The following RBM28 variants were observed in gnomAD, a reference collection of about 807,000 sequenced individuals.
The protein encoded by RBM28 is RNA-binding protein 28.
RBM28 carries 78 observed loss-of-function variants against 98.3 expected under a neutral mutation model. That is an observed-to-expected ratio of 0.79 (90% CI 0.66 to 0.96). The LOEUF is 0.96. Ranked by LOEUF, RBM28 falls within the 40% of genes least tolerant of loss-of-function variation. The pLI, the probability that RBM28 is intolerant of heterozygous loss-of-function variation, is 0.00. For synonymous variants in RBM28, 306 were observed against 330.9 expected (o/e 0.92, Z 0.82); for missense variants, 838 against 913.0 (o/e 0.92, Z 1.06).
At chr7:128,315,588 T>C (rs1027679091) in intron 16 of RBM28, among the ~76,000 whole-genome samples, 2 of 152,198 alleles carry the variant, frequency 1.3e-5, no homozygotes, top group Admixed American at 1.3e-4. Context: ...CTCTCTCTCT[T>C]TTGTTTTTAA....
In RBM28 at chr7:128,335,569, G is replaced by A. The variant is rs747395438; in HGVS notation, c.920C>T (p.Thr307Ile). 2 of 1,614,118 alleles carry A rather than the reference G, an allele frequency of 1.2e-6. No homozygotes were observed. Among genetic ancestry groups the A allele is most frequent in the East Asian group, 2.2e-5 (1 of 44,882 alleles). ...DDGEELAQSD[T>I]STEEQEDKAV... ...TTTATCCTCTTGCTCCTCAGTGCTG[G>A]TATCACTCTGAGCCAGTTCCTCTCC... Residue 307 changes from threonine (T) to isoleucine (I), a missense_variant, in exon 8 of 19, where the codon ACC (threonine) becomes ATC (isoleucine). By Grantham distance (89) the Thr-to-Ile change is moderately conservative. Transcript: ENST00000223073.
Position 128,302,959 on chromosome 7 carries a change from T to C in RBM28, c.*7838A>G, listed in dbSNP as rs142132423. 2.4e-3 allele frequency: 360 copies of C among 152,268 alleles called. No homozygotes were observed. The highest frequency in any genetic ancestry group is 4.0e-3 in the Non-Finnish European group (272 of 68,118). The allele number at this position is 152,268 out of a possible 1,614,324, so 9.4% of individuals were successfully genotyped here. A position where few individuals can be genotyped will look rare whatever the true frequency, so the allele number is the denominator to read the frequency against. The stretch of plus-strand genomic sequence containing the variant: ...GCTAATTTTCAAATTTTGGGCAGTT[T>C]TACTATGTTGCCCAGGCTGGTCCTG... On this transcript the variant is annotated 3_prime_UTR_variant, in exon 19 of 19. Coordinates refer to ENST00000223073, the MANE Select transcript of RBM28 (RefSeq NM_018077.3).
chr7:128,300,425 C>T lies in RBM28; in HGVS notation c.*10372G>A, dbSNP rs1039210800. On this transcript the variant is annotated 3_prime_UTR_variant, in exon 19 of 19. Coordinates refer to ENST00000223073, the MANE Select transcript of RBM28 (RefSeq NM_018077.3). ...GGCTTGAGCTCACTCTGCTCAGGAC[C>T]CTCTGCAGCTCCTGGGGGAACACTG... 2.0e-5 allele frequency: 3 copies of T among 152,206 alleles called. No individual in the cohort carries two copies. The highest frequency in any genetic ancestry group is 4.4e-5 in the Non-Finnish European group (3 of 68,084). 9.4% of individuals were successfully genotyped at this position (152,206 alleles called of 1,614,324 possible).
rs1796575338 is a variant in RBM28, at chr7:128,335,459, A to G, written c.946+84T>C. ...ACACCTTAGAGTCCTATTTAAAAAG[A>G]GATCTAAGCAGAACTGATGCTCATT... On this transcript the variant is annotated intron_variant, in intron 8 of 18. Transcript: ENST00000223073. The G allele has an allele frequency of 3.9e-6, 6 of 1,528,398 alleles. No individual in the cohort carries two copies. In the East Asian group the frequency reaches 1.4e-4, roughly 35 times the overall value. 94.7% of individuals were successfully genotyped at this position (1,528,398 alleles called of 1,614,324 possible). A position where few individuals can be genotyped will look rare whatever the true frequency, so the allele number is the denominator to read the frequency against.
chr7:128,337,733 T>C (rs995420449), intron 5 of RBM28, among the ~76,000 whole-genome samples: 2 of 152,070 alleles, frequency 1.3e-5, no homozygotes, highest in Non-Finnish European at 2.9e-5. Flanking sequence ...AATTTTTGTA[T>C]TTTCAGTAGA....
At chr7:128,328,344 G>A (rs1207631452) in intron 10 of RBM28, among the ~76,000 whole-genome samples, 3 of 152,212 alleles carry the variant, frequency 2.0e-5, no homozygotes, top group African/African-American at 7.2e-5. Flanking sequence ...GGAGTTTCCA[G>A]AGTCAGTACT....
intron 13 of RBM28, 104 bp downstream of exon 13, chr7:128,323,423 T>TC (rs1796278719): frequency 3.0e-6 from 4 of 1,321,248 alleles, no homozygotes; most frequent in Non-Finnish European, 4.4e-6. Flanking sequence ...GTATGGTCTG[T>TC]GACCATACTG....
Position 128,310,827 on chromosome 7 carries a change from A to G in RBM28, c.2250T>C (p.Leu750=), listed in dbSNP as rs768925765. 1.9e-6 allele frequency: 3 copies of G among 1,614,196 alleles called. No individual in the cohort carries two copies. In the South Asian group the frequency reaches 3.3e-5, roughly 18 times the overall value. Residue 750 remains leucine, a synonymous_variant, in exon 19 of 19, where the codon CTT becomes CTC. Transcript: ENST00000223073. ...TATCAAACCATTTGCTCCTCTTTGC[A>G]AGAGGTGCTCCTTTAGAAGGTCCCA... is the stretch of plus-strand genomic sequence containing the variant. ...KLLGPSKGAP[L]AKRSKWFDS is the part of the protein sequence containing the mutation.
chr7:128,343,525 G>C (rs776424501), intron 1 of RBM28, 151 bp downstream of exon 1: 1 of 553,490 alleles, frequency 1.8e-6, no homozygotes, highest in Non-Finnish European at 3.2e-6. Flanking sequence ...TCCTATGAAC[G>C]CATCTAAAGC....
intron 10 of RBM28, among the ~76,000 whole-genome samples, chr7:128,329,240 C>T (rs936023563): frequency 3.3e-5 from 5 of 152,174 alleles, no homozygotes; most frequent in Non-Finnish European, 7.3e-5. Context: ...GCTGGGATTA[C>T]AGGCATGCGC....
chr7:128,300,730 T>C lies in RBM28; in HGVS notation c.*10067A>G, dbSNP rs192288576. The C allele has an allele frequency of 6.6e-6, 1 of 152,346 alleles. No homozygotes were observed. The highest frequency in any genetic ancestry group is 2.1e-4 in the South Asian group (1 of 4,828). 9.4% of individuals were successfully genotyped at this position (152,346 alleles called of 1,614,324 possible). A position where few individuals can be genotyped will look rare whatever the true frequency, so the allele number is the denominator to read the frequency against. On this transcript the variant is annotated 3_prime_UTR_variant, in exon 19 of 19. Coordinates refer to ENST00000223073, the MANE Select transcript of RBM28 (RefSeq NM_018077.3). ...CACCTCCCATGCTGACTCCAATTGT[T>C]GGGTGCGGTTGCATGGATTGATGTC...
chr7:128,312,219 G>C (rs1173992246), intron 18 of RBM28, among the ~76,000 whole-genome samples: 1 of 152,166 alleles, frequency 6.6e-6, no homozygotes, highest in African/African-American at 2.4e-5. Flanking sequence ...AAGAGTTCAA[G>C]GCCAGCCTGG....
chr7:128,338,139 A>G, intron 5 of RBM28, 111 bp downstream of exon 5: 1 of 796,906 alleles, frequency 1.3e-6, no homozygotes, highest in Non-Finnish European at 2.2e-6. Context: ...ATTAGCAATG[A>G]GACTCTTAAT....
At chr7:128,338,668 T>C (rs2116390296) in intron 4 of RBM28, 58 bp downstream of exon 4, 3 of 1,221,228 alleles carry the variant, frequency 2.5e-6, no homozygotes, top group Non-Finnish European at 3.6e-6. Context: ...CATATATGTT[T>C]GTTCAAGGGT....
rs1250103377 is a variant in RBM28, at chr7:128,300,558, A to C, written c.*10239T>G. 6.6e-6 allele frequency: 1 copy of C among 152,238 alleles called. No individual in the cohort carries two copies. Among genetic ancestry groups the C allele is most frequent in the African/African-American group, 2.4e-5 (1 of 41,440 alleles). The allele number at this position is 152,238 out of a possible 1,614,324, so 9.4% of individuals were successfully genotyped here. On this transcript the variant is annotated 3_prime_UTR_variant, in exon 19 of 19. Transcript: ENST00000223073. The stretch of plus-strand genomic sequence containing the variant: ...ATCCTTCAATGAGCATGCTAACATC[A>C]TCCAACCCCTGACCTTGTGGTGAGG...
chr7:128,310,677 C>CCCA lies in RBM28; in HGVS notation c.*119_*120insTGG, dbSNP rs1395573277. 4 of 1,343,476 alleles carry CCCA rather than the reference C, an allele frequency of 3.0e-6. No homozygotes were observed. In the Admixed American group the frequency reaches 6.7e-5, roughly 23 times the overall value. 83.2% of individuals were successfully genotyped at this position (1,343,476 alleles called of 1,614,324 possible). A position where few individuals can be genotyped will look rare whatever the true frequency, so the allele number is the denominator to read the frequency against. On this transcript the variant is annotated 3_prime_UTR_variant, in exon 19 of 19. Coordinates refer to ENST00000223073, the MANE Select transcript of RBM28 (RefSeq NM_018077.3). ...ACACAGTCCAGGGCACCTCCGAGCA[C>CCCA]AGTGGCAGTGCCCTTGGGGATTTTC...
intron 8 of RBM28, among the ~76,000 whole-genome samples, chr7:128,333,731 T>TAAATAA (rs1261748876): frequency 1.3e-5 from 2 of 151,614 alleles, no homozygotes; most frequent in African/African-American, 4.8e-5. Context: ...AAAAAATAAA[T>TAAATAA]AAATAAAAAT....
intron 10 of RBM28, among the ~76,000 whole-genome samples, chr7:128,327,003 G>T (rs1375671158): frequency 1.3e-5 from 2 of 152,004 alleles, no homozygotes; most frequent in Non-Finnish European, 2.9e-5. Context: ...TGGGTGTGGT[G>T]GTGCATGCCT....
intron 15 of RBM28, 98 bp from the exon 16 acceptor site, chr7:128,317,831 T>C: frequency 6.8e-7 from 1 of 1,477,146 alleles, no homozygotes; most frequent in South Asian, 1.1e-5. Context: ...CCAACCCACC[T>C]TTTTTTTGTC....
Sources: allele counts gnomAD v4.1 joint callset (sites outside exome capture counted in the v4.1 genomes callset), GRCh38; gene constraint gnomAD v4.1.1; transcripts MANE v1.5; gene names NCBI Gene and HGNC (gene_info 2026-07-23, HGNC 2026-07-21).